NKAIN3: variants seen among roughly 807,000 people sequenced by gnomAD.
NKAIN3 encodes sodium/potassium-transporting ATPase subunit beta-1-interacting protein 3.
NKAIN3 carries 25 observed loss-of-function variants against 30.2 expected under a neutral mutation model. The ratio of observed to expected loss-of-function variants is 0.83; its 90% CI spans 0.60 to 1.16. The LOEUF (loss-of-function observed/expected upper bound fraction) is 1.16. Among genes scored for constraint, NKAIN3 ranks in the 50% most tolerant of loss-of-function variants. The pLI is 0.00. For synonymous variants in NKAIN3, 91 were observed against 89.6 expected, an observed-to-expected ratio of 1.02 and a Z score of -0.09; for missense variants, 225 against 254.1, an observed-to-expected ratio of 0.89 and a Z score of 0.78.
chr8:62,439,324 C>T (rs1805258883), intron 1 of NKAIN3, among the ~76,000 whole-genome samples: 1 of 152,082 alleles, frequency 6.6e-6, no homozygotes, highest in South Asian at 2.1e-4. Context: ...AGAGAGGTGC[C>T]ACATTTGAAG....
At chr8:62,929,315 G>T (rs1822545258) in intron 5 of NKAIN3, among the ~76,000 whole-genome samples, 1 of 152,196 alleles carries the variant, frequency 6.6e-6, no homozygotes. Context: ...CTGTGAAAAG[G>T]ATAAAAAGTA....
intron 1 of NKAIN3, among the ~76,000 whole-genome samples, chr8:62,543,517 A>G (rs1808909064): frequency 6.6e-6 from 1 of 152,176 alleles, no homozygotes; most frequent in Non-Finnish European, 1.5e-5. Context: ...AGACGCTATA[A>G]ATCACTTTGC....
intron 4 of NKAIN3, among the ~76,000 whole-genome samples, chr8:62,854,148 T>C (rs2130778855): frequency 6.6e-6 from 1 of 152,336 alleles, no homozygotes; most frequent in East Asian, 1.9e-4. Flanking sequence ...GTAAGTTCCA[T>C]GTGGTAATGA....
chr8:62,665,561 G>A (rs1258714846), intron 3 of NKAIN3, among the ~76,000 whole-genome samples: 1 of 152,176 alleles, frequency 6.6e-6, no homozygotes, highest in Non-Finnish European at 1.5e-5. Context: ...GATGGCACTG[G>A]AGTGAACGTG....
intron 4 of NKAIN3, among the ~76,000 whole-genome samples, chr8:62,809,873 A>T (rs1465532120): frequency 6.6e-6 from 1 of 152,216 alleles, no homozygotes; most frequent in East Asian, 1.9e-4. Context: ...TTCTGAATCC[A>T]GTAGAGTTGC....
rs188749424 is a variant in NKAIN3, at chr8:62,586,607, G to A, written c.193-3107G>A. ...CAAATTGATGTGTATATGAAAGAAT[G>A]AATGAATGGTCTTTCTCGTAATTAG... is the stretch of plus-strand genomic sequence containing the variant. On this transcript the variant is annotated intron_variant, in intron 2 of 6. Transcript: ENST00000623646. 7.9e-5 allele frequency among the ~76,000 whole-genome samples: 12 copies of A among 152,124 alleles called. No individual in the cohort carries two copies. The East Asian group carries it at 2.3e-3, about 29-fold the overall frequency.
intron 1 of NKAIN3, among the ~76,000 whole-genome samples, chr8:62,274,643 G>A (rs866360450): frequency 6.6e-6 from 1 of 151,882 alleles, no homozygotes; most frequent in African/African-American, 2.4e-5. Context: ...TGTGCACAAT[G>A]TGCAGGTTTG....
intron 1 of NKAIN3, among the ~76,000 whole-genome samples, chr8:62,280,104 G>C (rs1201867518): frequency 6.6e-5 from 10 of 152,120 alleles, no homozygotes; most frequent in Admixed American, 6.6e-4. Context: ...CTTGTAGGTT[G>C]GATTCCTAGG....
chr8:62,322,144 C>G (rs1426522049), intron 1 of NKAIN3, among the ~76,000 whole-genome samples: 1 of 152,228 alleles, frequency 6.6e-6, no homozygotes, highest in African/African-American at 2.4e-5. Flanking sequence ...AGGTTATCAT[C>G]TCCTGGTATG....
chr8:62,267,748 G>C lies in NKAIN3; in HGVS notation c.54+18621G>C, dbSNP rs532569046. On this transcript the variant is annotated intron_variant, in intron 1 of 6. Transcript: ENST00000623646. ...GATGATTTTGGTCATAGGAAGCAGA[G>C]AATTCAGGAAAAAATTGCTTAAACT... Among the ~76,000 whole-genome samples, 18 of 152,276 alleles carry C rather than the reference G, an allele frequency of 1.2e-4. No individual in the cohort carries two copies. In the East Asian group the frequency reaches 2.7e-3, roughly 23 times the overall value.
intron 1 of NKAIN3, among the ~76,000 whole-genome samples, chr8:62,353,361 T>C (rs1018736605): frequency 1.3e-5 from 2 of 152,256 alleles, no homozygotes; most frequent in Non-Finnish European, 2.9e-5. Flanking sequence ...TGAGTTTTTA[T>C]TAACATTACT....
At chr8:62,676,623 TA>T (rs1421249364) in intron 3 of NKAIN3, among the ~76,000 whole-genome samples, 1 of 152,138 alleles carries the variant, frequency 6.6e-6, no homozygotes, top group Non-Finnish European at 1.5e-5. Flanking sequence ...ACCAAAGGTT[TA>T]AAAACTAAAA....
chr8:62,486,851 G>A (rs1806919438), intron 1 of NKAIN3, among the ~76,000 whole-genome samples: 1 of 152,350 alleles, frequency 6.6e-6, no homozygotes, highest in Non-Finnish European at 1.5e-5. Context: ...AATGAAGGAA[G>A]TCTGAGGGGG....
At chr8:62,385,724 A>T (rs1251027094) in intron 1 of NKAIN3, among the ~76,000 whole-genome samples, 1 of 152,138 alleles carries the variant, frequency 6.6e-6, no homozygotes, top group Non-Finnish European at 1.5e-5. Context: ...CCTTGGAACT[A>T]CTGATGTGTT....
At chr8:62,579,962 A>G (rs1015850352) in intron 2 of NKAIN3, among the ~76,000 whole-genome samples, 7 of 152,186 alleles carry the variant, frequency 4.6e-5, no homozygotes, top group African/African-American at 1.7e-4. Context: ...GTGGTTGGAT[A>G]GAGTAGGAGG....
intron 6 of NKAIN3, among the ~76,000 whole-genome samples, chr8:62,961,970 C>G (rs2130905759): frequency 6.6e-6 from 1 of 152,272 alleles, no homozygotes; most frequent in East Asian, 1.9e-4. Flanking sequence ...GGGCAAGTTA[C>G]TCTAGTCATG....
chr8:62,403,485 T>A lies in NKAIN3; in HGVS notation c.54+154358T>A, dbSNP rs78356854. Among the ~76,000 whole-genome samples, 385 of 152,200 alleles carry A rather than the reference T, an allele frequency of 2.5e-3. 18 individuals carry two copies. The East Asian group carries it at 0.068, about 27-fold the overall frequency. ...TCCAGGGCTCCCCTGCTGTTTAACC[T>A]CAGGACTTGGAGCCCTTCATCTCAG... On this transcript the variant is annotated intron_variant, in intron 1 of 6. Coordinates refer to ENST00000623646, the MANE Select transcript of NKAIN3 (RefSeq NM_001304533.3).
chr8:62,608,339 T>G (rs1811189032), intron 3 of NKAIN3, among the ~76,000 whole-genome samples: 1 of 152,196 alleles, frequency 6.6e-6, no homozygotes. Flanking sequence ...AGCCAAAATT[T>G]GAACTGTTTA....
intron 1 of NKAIN3, among the ~76,000 whole-genome samples, chr8:62,552,786 G>A (rs1175234846): frequency 6.6e-6 from 1 of 152,144 alleles, no homozygotes; most frequent in South Asian, 2.1e-4. Context: ...CCCTGTGTGT[G>A]GTGTGCCCTA....
Sources: allele counts gnomAD v4.1 joint callset (sites outside exome capture counted in the v4.1 genomes callset), GRCh38; gene constraint gnomAD v4.1.1; transcripts MANE v1.5; gene names NCBI Gene and HGNC (gene_info 2026-07-23, HGNC 2026-07-21).